Variants in MPP7 observed in about 807,000 individuals in gnomAD.
MPP7 encodes the protein MAGUK p55 subfamily member 7.
In MPP7, 60 loss-of-function variants were observed where a neutral mutation model predicts 76.5. The ratio of observed to expected loss-of-function variants is 0.78; its 90% CI spans 0.64 to 0.97. The LOEUF is 0.97. Ranked by LOEUF, MPP7 falls within the 50% of genes least tolerant of loss-of-function variation. MPP7 has a pLI of 0.00. For synonymous variants in MPP7, 237 were observed against 244.5 expected (o/e 0.97, Z 0.29); for missense variants, 641 against 694.0 (o/e 0.92, Z 0.86).
At chr10:28,130,305 G>A (rs1835151770) in intron 6 of MPP7, among the ~76,000 whole-genome samples, 1 of 152,080 alleles carries the variant, frequency 6.6e-6, no homozygotes, top group Non-Finnish European at 1.5e-5. Context: ...TTTCTGATAA[G>A]GAACCTGAGG....
intron 5 of MPP7, among the ~76,000 whole-genome samples, chr10:28,144,898 A>C (rs1301801013): frequency 6.6e-6 from 1 of 152,188 alleles, no homozygotes; most frequent in African/African-American, 2.4e-5. Context: ...AGGCATTAGA[A>C]GAAAAAAAAT....
Position 28,120,637 on chromosome 10 carries a change from A to G in MPP7, c.647T>C (p.Ile216Thr), listed in dbSNP as rs145331707. The change falls in exon 9 of 17, where the codon ATT becomes ACT. Residue 216 changes from isoleucine (I) to threonine (T), a missense_variant. Coordinates refer to ENST00000683449, the MANE Select transcript of MPP7 (RefSeq NM_001318170.2). ...TGTCTCCTCTTTGCTGCCGGGTATA[A>G]TCTTAAATGTAATTGCTCCCTGAGA... ...AQSQGAITFK[I>T]IPGSKEETPS... 68 of 1,613,702 alleles carry G rather than the reference A, an allele frequency of 4.2e-5. No individual in the cohort carries two copies. The highest frequency in any genetic ancestry group is 2.0e-4 in the African/African-American group (15 of 74,900).
intron 6 of MPP7, among the ~76,000 whole-genome samples, chr10:28,128,105 T>C (rs1450966964): frequency 6.6e-6 from 1 of 152,140 alleles, no homozygotes; most frequent in Non-Finnish European, 1.5e-5. Context: ...CACTGGGCTT[T>C]ACTCTGAATG....
rs575314265 is a variant in MPP7, at chr10:28,276,985, G to A, written c.-132+25876C>T. ...AAGCAGGAAGATCACTTGAGCCCAG[G>A]AGTTTGAGACCAGCTTGGACAACAT... is the stretch of plus-strand genomic sequence containing the variant. On this transcript the variant is annotated intron_variant, in intron 1 of 16. Coordinates refer to ENST00000683449, the MANE Select transcript of MPP7 (RefSeq NM_001318170.2). 8.6e-5 allele frequency among the ~76,000 whole-genome samples: 13 copies of A among 151,962 alleles called. 1 individual carries two copies. The East Asian group carries it at 2.1e-3, about 25-fold the overall frequency.
chr10:28,174,825 G>A (rs1836803971), intron 3 of MPP7, among the ~76,000 whole-genome samples: 1 of 152,102 alleles, frequency 6.6e-6, no homozygotes, highest in Non-Finnish European at 1.5e-5. Context: ...AATCAGAAAT[G>A]GTAAAAATGT....
intron 1 of MPP7, among the ~76,000 whole-genome samples, chr10:28,271,714 G>A (rs534507357): frequency 1.3e-5 from 2 of 152,274 alleles, no homozygotes; most frequent in South Asian, 2.1e-4. Flanking sequence ...AGTGGCTCAC[G>A]CCTGTAATCC....
chr10:28,261,250 A>G (rs1013654192), intron 1 of MPP7, among the ~76,000 whole-genome samples: 6 of 152,246 alleles, frequency 3.9e-5, no homozygotes, highest in Admixed American at 2.6e-4. Flanking sequence ...CAAGGTGAGC[A>G]GAACACTGAA....
chr10:28,158,480 G>C (rs1375223017), intron 3 of MPP7, among the ~76,000 whole-genome samples: 1 of 152,190 alleles, frequency 6.6e-6, no homozygotes, highest in African/African-American at 2.4e-5. Context: ...GTAAGTCTCT[G>C]AGACAATCCC....
At chr10:28,230,525 A>G (rs1838844234) in intron 2 of MPP7, among the ~76,000 whole-genome samples, 1 of 152,158 alleles carries the variant, frequency 6.6e-6, no homozygotes, top group Non-Finnish European at 1.5e-5. Context: ...TTAAATATAC[A>G]AAAGAAGGCC....
intron 13 of MPP7, among the ~76,000 whole-genome samples, chr10:28,064,272 G>C (rs1038390030): frequency 2.0e-5 from 3 of 152,204 alleles, no homozygotes; most frequent in African/African-American, 7.2e-5. Flanking sequence ...GGATGAAAAA[G>C]AATGAATTAT....
chr10:28,294,350 G>A (rs115260992), intron 1 of MPP7, among the ~76,000 whole-genome samples: 1 of 152,174 alleles, frequency 6.6e-6, no homozygotes, highest in African/African-American at 2.4e-5. Flanking sequence ...AGTTGTCATA[G>A]TACAGGCGAC....
intron 13 of MPP7, among the ~76,000 whole-genome samples, chr10:28,063,937 C>T (rs1296746979): frequency 6.6e-6 from 1 of 152,146 alleles, no homozygotes; most frequent in Non-Finnish European, 1.5e-5. Flanking sequence ...AGACTGACTA[C>T]ACCAAGTGTT....
At position 28,254,004 on chromosome 10, in the gene MPP7, G is replaced by GAAAA. The variant is rs199511617; in HGVS notation, c.-131-15273_-131-15270dup. 2.4e-4 allele frequency among the ~76,000 whole-genome samples: 22 copies of GAAAA among 92,314 alleles called. 1 individual carries two copies. The highest frequency in any genetic ancestry group is 3.8e-4 in the East Asian group (1 of 2,638). The allele number at this position is 92,314 out of a possible 152,430, so 60.6% of individuals were successfully genotyped here. On this transcript the variant is annotated intron_variant, in intron 1 of 16. Transcript: ENST00000683449. ...GAGAGAGAGTCTGTCTCACAAAAAA[G>GAAAA]AAAAAAAAAAAAAAAAAAAAAAAAA...
intron 11 of MPP7, among the ~76,000 whole-genome samples, chr10:28,096,195 C>T (rs1191461024): frequency 6.6e-6 from 1 of 152,194 alleles, no homozygotes; most frequent in East Asian, 1.9e-4. Flanking sequence ...CTGATGACTT[C>T]ATTAGGGCAA....
intron 5 of MPP7, among the ~76,000 whole-genome samples, chr10:28,140,811 T>A (rs1835492016): frequency 6.6e-6 from 1 of 152,092 alleles, no homozygotes; most frequent in Non-Finnish European, 1.5e-5. Context: ...AAAAGCACTA[T>A]CAAAAAACTT....
chr10:28,265,603 C>T (rs1450743271), intron 1 of MPP7, among the ~76,000 whole-genome samples: 2 of 152,292 alleles, frequency 1.3e-5, no homozygotes, highest in African/African-American at 4.8e-5. Context: ...AAAAAAATTC[C>T]ACTTTGAAAC....
intron 3 of MPP7, among the ~76,000 whole-genome samples, chr10:28,192,141 T>C (rs1837432905): frequency 6.6e-6 from 1 of 151,056 alleles, no homozygotes; most frequent in Non-Finnish European, 1.5e-5. Flanking sequence ...AAACTGGAAA[T>C]AGAAAGAACT....
At chr10:28,292,425 G>A (rs373848776) in intron 1 of MPP7, among the ~76,000 whole-genome samples, 31 of 150,832 alleles carry the variant, frequency 2.1e-4, no homozygotes, top group African/African-American at 7.3e-4. Context: ...GTCTCTTACT[G>A]TAACAAAGAA....
At chr10:28,106,086 A>AT (rs1159310291) in intron 11 of MPP7, among the ~76,000 whole-genome samples, 1 of 152,212 alleles carries the variant, frequency 6.6e-6, no homozygotes, top group Non-Finnish European at 1.5e-5. Context: ...CACAAAGCTC[A>AT]TCACCTTTTC....
Sources: gnomAD v4.1 joint callset for allele counts (sites outside exome capture counted in the v4.1 genomes callset) on GRCh38, gnomAD v4.1.1 for gene constraint, MANE v1.5 for transcripts, NCBI Gene and HGNC (gene_info 2026-07-23, HGNC 2026-07-21) for gene names.